ENTREP2: variants seen among roughly 807,000 people sequenced by gnomAD.
ENTREP2 encodes the protein endosomal transmembrane epsin interactor 2.
chr15:29,258,742 T>TC, the ENTREP2 span, among the ~76,000 whole-genome samples: 1 of 152,160 alleles, frequency 6.6e-6, no homozygotes, highest in South Asian at 2.1e-4. Context: ...TTCCTTATCC[T>TC]CCCTCCTCCT....
chr15:29,426,983 A>C, the ENTREP2 span, among the ~76,000 whole-genome samples: 2 of 152,146 alleles, frequency 1.3e-5, 1 homozygote, highest in South Asian at 4.1e-4. Context: ...ATAAGTGATG[A>C]GAGAAGGCCA....
chr15:29,363,166 TA>T, the ENTREP2 span, among the ~76,000 whole-genome samples: 35 of 150,934 alleles, frequency 2.3e-4, no homozygotes, highest in African/African-American at 7.3e-4. Flanking sequence ...TACATTCTCT[TA>T]AAAAAAAAGG....
the ENTREP2 span, among the ~76,000 whole-genome samples, chr15:29,443,379 C>T: frequency 6.6e-6 from 1 of 152,154 alleles, no homozygotes; most frequent in Non-Finnish European, 1.5e-5. Flanking sequence ...AGATGCCCGG[C>T]GTTCCAAAAC....
the ENTREP2 span, among the ~76,000 whole-genome samples, chr15:29,214,715 A>G: frequency 2.0e-4 from 30 of 152,040 alleles, no homozygotes; most frequent in East Asian, 5.6e-3. Flanking sequence ...TAAAAAAAAA[A>G]GGAGCAAGTT....
the ENTREP2 span, among the ~76,000 whole-genome samples, chr15:29,223,382 G>A: frequency 1.8e-4 from 27 of 152,168 alleles, no homozygotes; most frequent in African/African-American, 6.3e-4. Flanking sequence ...CTTCCTCTCT[G>A]CAAAGAAAGG....
chr15:29,254,977 C>T, the ENTREP2 span, among the ~76,000 whole-genome samples: 3 of 152,152 alleles, frequency 2.0e-5, no homozygotes, highest in African/African-American at 7.2e-5. Context: ...GAGCCAAGAA[C>T]TTAAACACAT....
chr15:29,201,375 A>T, the ENTREP2 span, among the ~76,000 whole-genome samples: 20 of 152,234 alleles, frequency 1.3e-4, no homozygotes, highest in African/African-American at 4.1e-4. Context: ...GGGGAAAAGC[A>T]TTCAGTCTCC....
chr15:29,608,429 C>T, the ENTREP2 span, among the ~76,000 whole-genome samples: 8 of 151,906 alleles, frequency 5.3e-5, no homozygotes, highest in Non-Finnish European at 2.9e-5. Flanking sequence ...CCTCTCCCAG[C>T]GCTTTCTCCT....
At chr15:29,269,605 T>C in the ENTREP2 span, 1 of 1,560,946 alleles carries the variant, frequency 6.4e-7, no homozygotes, top group Non-Finnish European at 8.6e-7. Context: ...CCGGGCGTCT[T>C]CCCCGGCCCG....
the ENTREP2 span, among the ~76,000 whole-genome samples, chr15:29,364,814 A>G: frequency 6.6e-6 from 1 of 152,174 alleles, no homozygotes; most frequent in Non-Finnish European, 1.5e-5. Flanking sequence ...AGGTACAGAG[A>G]GTCCCATACA....
chr15:29,577,399 G>GCA, the ENTREP2 span, among the ~76,000 whole-genome samples: 2 of 150,348 alleles, frequency 1.3e-5, no homozygotes, highest in Non-Finnish European at 3.0e-5. Flanking sequence ...TGTCACCCAG[G>GCA]CTGGAGTGCA....
At chr15:29,556,172 G>A in the ENTREP2 span, among the ~76,000 whole-genome samples, 9 of 152,144 alleles carry the variant, frequency 5.9e-5, no homozygotes, top group Non-Finnish European at 1.2e-4. Context: ...TGGGAGGATC[G>A]TTTGAGCCCA....
the ENTREP2 span, among the ~76,000 whole-genome samples, chr15:29,296,239 T>C: frequency 6.6e-6 from 1 of 152,088 alleles, no homozygotes; most frequent in African/African-American, 2.4e-5. Flanking sequence ...AACAGTAATG[T>C]AGAAAAGAGA....
the ENTREP2 span, chr15:29,151,855 T>G: frequency 1.3e-6 from 2 of 1,534,964 alleles, no homozygotes; most frequent in Non-Finnish European, 1.8e-6. Flanking sequence ...CGAGGAAAGG[T>G]GCAGGAGAAT....
the ENTREP2 span, among the ~76,000 whole-genome samples, chr15:29,311,383 T>G: frequency 6.6e-6 from 1 of 152,216 alleles, no homozygotes; most frequent in Non-Finnish European, 1.5e-5. Flanking sequence ...CATGCATTGT[T>G]TTTTATTTTT....
At chr15:29,524,897 ACTC>A in the ENTREP2 span, among the ~76,000 whole-genome samples, 25 of 152,134 alleles carry the variant, frequency 1.6e-4, no homozygotes, top group Admixed American at 1.4e-3. Context: ...GGGGTTGCCC[ACTC>A]CCGGCTCGAA....
chr15:29,214,319 G>A, the ENTREP2 span, among the ~76,000 whole-genome samples: 3 of 152,300 alleles, frequency 2.0e-5, no homozygotes, highest in African/African-American at 7.2e-5. Flanking sequence ...ACTGGATTAA[G>A]AAAATGTGGC....
chr15:29,534,026 G>A, the ENTREP2 span, among the ~76,000 whole-genome samples: 4 of 134,520 alleles, frequency 3.0e-5, no homozygotes, highest in South Asian at 2.4e-4. Flanking sequence ...CTATAGAAAC[G>A]ATATGTGACC....
the ENTREP2 span, chr15:29,122,741 A>G: frequency 6.6e-6 from 1 of 152,322 alleles, no homozygotes; most frequent in East Asian, 1.9e-4. Context: ...CGCACTGCAC[A>G]TTTGTTTGCA....
Sources: gnomAD v4.1 joint callset for allele counts (sites outside exome capture counted in the v4.1 genomes callset) on GRCh38, gnomAD v4.1.1 for gene constraint, MANE v1.5 for transcripts, NCBI Gene and HGNC (gene_info 2026-07-23, HGNC 2026-07-21) for gene names.